FAM76A: variants seen among roughly 807,000 people sequenced by gnomAD.
The protein encoded by FAM76A is protein FAM76A.
FAM76A carries 32 observed loss-of-function variants against 46.2 expected under a neutral mutation model. The ratio of observed to expected loss-of-function variants is 0.69; its 90% CI spans 0.52 to 0.93. FAM76A has a LOEUF of 0.93. Ranked by LOEUF, FAM76A falls within the 40% of genes least tolerant of loss-of-function variation. The probability of loss-of-function intolerance (pLI) is 0.00; values close to 1 mark genes in which losing one functional copy is unlikely to be tolerated. For synonymous variants in FAM76A, 137 were observed against 127.0 expected (o/e 1.08, Z -0.53); for missense variants, 274 against 361.5 (o/e 0.76, Z 1.96).
intron 1 of FAM76A, 48 bp downstream of exon 1, chr1:27,726,209 G>C (rs753895701): frequency 8.0e-7 from 1 of 1,243,860 alleles, no homozygotes; most frequent in Non-Finnish European, 1.0e-6. Context: ...CAGGAGGCGC[G>C]GCCCGGAGCT....
At chr1:27,758,604 C>T (rs1477841680) in intron 7 of FAM76A, among the ~76,000 whole-genome samples, 1 of 151,858 alleles carries the variant, frequency 6.6e-6, no homozygotes, top group Admixed American at 6.6e-5. Context: ...CTGGCTCAAG[C>T]GATCCTCCCA....
At chr1:27,735,014 T>A (rs1188280204) in intron 4 of FAM76A, among the ~76,000 whole-genome samples, 2 of 152,248 alleles carry the variant, frequency 1.3e-5, no homozygotes, top group Non-Finnish European at 2.9e-5. Context: ...CTCAAATCCC[T>A]TCTATGGCCT....
chr1:27,727,497 T>G lies in FAM76A; in HGVS notation c.107T>G (p.Val36Gly). The G allele has an allele frequency of 6.2e-7, 1 of 1,613,926 alleles. No individual in the cohort carries two copies. Among genetic ancestry groups the G allele is most frequent in the Non-Finnish European group, 8.5e-7 (1 of 1,179,816 alleles). Reference sequence around the variant, plus strand: ...GAATGTCGGATTGCACACCCTGTTGTGAAGTGCACCTACTGCAGGACTGAG... The same window carrying G: ...GAATGTCGGATTGCACACCCTGTTGGGAAGTGCACCTACTGCAGGACTGAG... The part of the protein sequence containing the change: ...CKECRIAHPV[V>G]KCTYCRTEYQ... The change falls in exon 2 of 9, where the codon GTG becomes GGG. Residue 36 changes from valine (V) to glycine (G), a missense_variant. Coordinates refer to ENST00000373954, the MANE Select transcript of FAM76A (RefSeq NM_152660.3).
intron 1 of FAM76A, 38 bp downstream of exon 1, chr1:27,726,199 C>T: frequency 8.0e-7 from 1 of 1,256,588 alleles, no homozygotes; most frequent in Non-Finnish European, 1.0e-6. Flanking sequence ...ACTGGGGACG[C>T]AGGAGGCGCG....
At chr1:27,727,782 T>C (rs571395170) in intron 2 of FAM76A, among the ~76,000 whole-genome samples, 1 of 151,424 alleles carries the variant, frequency 6.6e-6, no homozygotes, top group South Asian at 2.1e-4. Flanking sequence ...TCCTAGTTAT[T>C]ATCCATTGAT....
intron 7 of FAM76A, among the ~76,000 whole-genome samples, chr1:27,756,313 TC>T (rs1338417774): frequency 1.3e-5 from 2 of 152,152 alleles, no homozygotes; most frequent in African/African-American, 4.8e-5. Flanking sequence ...GTATTAATAC[TC>T]TTTTTTTTCT....
chr1:27,744,826 C>T lies in FAM76A; in HGVS notation c.512+15C>T. On this transcript the variant is annotated intron_variant, in intron 5 of 8. Coordinates refer to ENST00000373954, the MANE Select transcript of FAM76A (RefSeq NM_152660.3). ...CATTATAACAGGTAACCTCAAGACA[C>T]ATGAGATGGGACTAGAAGTGCTGGT... The T allele has an allele frequency of 6.2e-7, 1 of 1,610,940 alleles. No homozygotes were observed.
intron 2 of FAM76A, among the ~76,000 whole-genome samples, chr1:27,727,977 T>C (rs1249928966): frequency 6.6e-6 from 1 of 151,998 alleles, no homozygotes; most frequent in Non-Finnish European, 1.5e-5. Context: ...CCGGCTAGTT[T>C]TTTTGTATTT....
intron 5 of FAM76A, among the ~76,000 whole-genome samples, chr1:27,745,215 ATTG>A (rs1402885537): frequency 4.6e-5 from 7 of 151,818 alleles, no homozygotes; most frequent in African/African-American, 1.7e-4. Flanking sequence ...ATGTCTTTTC[ATTG>A]TTGTTTTAAG....
chr1:27,759,779 G>GT (rs542481822), intron 8 of FAM76A, 152 bp downstream of exon 8: 10,897 of 346,734 alleles, frequency 0.031, 2 homozygotes, highest in South Asian at 0.048. Context: ...TTTTTTTTTT[G>GT]TTTTTTTTTT....
chr1:27,738,346 C>T (rs549237281), intron 4 of FAM76A, among the ~76,000 whole-genome samples: 1 of 151,914 alleles, frequency 6.6e-6, no homozygotes, highest in South Asian at 2.1e-4. Context: ...AAAAATAAGC[C>T]GGGCATGGTG....
intron 2 of FAM76A, among the ~76,000 whole-genome samples, chr1:27,728,929 A>G (rs1571463721): frequency 6.6e-6 from 1 of 150,968 alleles, no homozygotes; most frequent in Non-Finnish European, 1.5e-5. Context: ...GCGCCACTGC[A>G]CTCCAGCCTG....
rs34236376 is a variant in FAM76A at position 27,731,198 on chromosome 1, ATTTT to A, written c.147-1384_147-1381del. On this transcript the variant is annotated intron_variant, in intron 2 of 8. Coordinates refer to ENST00000373954, the MANE Select transcript of FAM76A (RefSeq NM_152660.3). ...GTGCTTAACTCTTAGAGAAATCAGA[ATTTT>A]TTTTTTTTTTTTTTTTTTTTCGAGA... Among the ~76,000 whole-genome samples, 56 of 109,834 alleles carry A rather than the reference ATTTT, an allele frequency of 5.1e-4. 1 individual carries two copies. Among genetic ancestry groups the A allele is most frequent in the African/African-American group, 1.5e-3 (46 of 30,764 alleles). The allele number at this position is 109,834 out of a possible 152,430, so 72.1% of individuals were successfully genotyped here.
At chr1:27,733,129 A>AC (rs1322334803) in intron 3 of FAM76A, among the ~76,000 whole-genome samples, 1 of 151,970 alleles carries the variant, frequency 6.6e-6, no homozygotes, top group Non-Finnish European at 1.5e-5. Flanking sequence ...ATGGGGTTTC[A>AC]CCATGTTGGT....
At chr1:27,745,258 C>T (rs76722683) in intron 5 of FAM76A, among the ~76,000 whole-genome samples, 2 of 152,056 alleles carry the variant, frequency 1.3e-5, no homozygotes, top group East Asian at 3.9e-4. Flanking sequence ...GTATTGTTAA[C>T]GGTTCTGGCT....
In FAM76A at chr1:27,762,487, G is replaced by A. The variant is rs2088524530; in HGVS notation, c.*1906G>A. 1 of 152,128 alleles carries A rather than the reference G, an allele frequency of 6.6e-6. No individual in the cohort carries two copies. The highest frequency in any genetic ancestry group is 6.6e-5 in the Admixed American group (1 of 15,258). The allele number at this position is 152,128 out of a possible 1,614,324, so 9.4% of individuals were successfully genotyped here. ...TGGAAGCAGATGCTCTATAATTTGT[G>A]ATAGCATTCTCATAAATGGAGTCCT... is the stretch of plus-strand genomic sequence containing the variant. On this transcript the variant is annotated 3_prime_UTR_variant, in exon 9 of 9. Coordinates refer to ENST00000373954, the MANE Select transcript of FAM76A (RefSeq NM_152660.3).
In FAM76A at chr1:27,729,113, G is replaced by A. The variant is rs115859449; in HGVS notation, c.146+1577G>A. On this transcript the variant is annotated intron_variant, in intron 2 of 8. Coordinates refer to ENST00000373954, the MANE Select transcript of FAM76A (RefSeq NM_152660.3). ...AGGTGATCCTGCCTTGAGGAGAGTG[G>A]GATCTATTTGTTAATTCATCCATTA... Among the ~76,000 whole-genome samples, 1,425 of 151,998 alleles carry A rather than the reference G, an allele frequency of 9.4e-3. 32 individuals carry two copies. Among genetic ancestry groups the A allele is most frequent in the African/African-American group, 0.033 (1,357 of 41,424 alleles).
At chr1:27,743,725 A>G (rs554736470) in intron 4 of FAM76A, among the ~76,000 whole-genome samples, 4 of 151,968 alleles carry the variant, frequency 2.6e-5, no homozygotes, top group African/African-American at 9.7e-5. Context: ...AGATCATACC[A>G]CTGCTCTCCA....
intron 5 of FAM76A, among the ~76,000 whole-genome samples, chr1:27,745,382 TTAGA>T (rs2088225335): frequency 6.6e-6 from 1 of 152,118 alleles, no homozygotes; most frequent in South Asian, 2.1e-4. Flanking sequence ...TGAAGATAAA[TTAGA>T]TAGTACATGC....
Sources: allele counts gnomAD v4.1 joint callset (sites outside exome capture counted in the v4.1 genomes callset), GRCh38; gene constraint gnomAD v4.1.1; transcripts MANE v1.5; gene names NCBI Gene and HGNC (gene_info 2026-07-23, HGNC 2026-07-21).